NEO1: variants seen among roughly 807,000 people sequenced by gnomAD.
NEO1 encodes the protein neogenin.
A neutral mutation model predicts 159.7 loss-of-function variants in NEO1; 63 were observed. The ratio of observed to expected loss-of-function variants is 0.39; its 90% CI spans 0.32 to 0.49. The LOEUF is 0.49. NEO1 is among the 20% of genes least tolerant of loss of function. The probability of loss-of-function intolerance (pLI) is 0.85; values close to 1 mark genes in which losing one functional copy is unlikely to be tolerated. For synonymous variants in NEO1, 633 were observed against 662.0 expected (o/e 0.96, Z 0.67); for missense variants, 1,615 against 1,831.0 (o/e 0.88, Z 2.15).
intron 1 of NEO1, among the ~76,000 whole-genome samples, chr15:73,063,942 T>C (rs1476096575): frequency 6.6e-6 from 1 of 152,228 alleles, no homozygotes; most frequent in African/African-American, 2.4e-5. Flanking sequence ...TGTGGGCATC[T>C]TTTATGAATC....
chr15:73,259,370 A>ATTTTT lies in NEO1; in HGVS notation c.2203+505_2203+509dup, dbSNP rs10623352. 8.7e-3 allele frequency among the ~76,000 whole-genome samples: 1,173 copies of ATTTTT among 135,534 alleles called. 23 individuals carry two copies. Among genetic ancestry groups the ATTTTT allele is most frequent in the Middle Eastern group, 0.032 (8 of 250 alleles). The allele number at this position is 135,534 out of a possible 152,430, so 88.9% of individuals were successfully genotyped here. A position where few individuals can be genotyped will look rare whatever the true frequency, so the allele number is the denominator to read the frequency against. The stretch of plus-strand genomic sequence containing the variant: ...TCTTGTTCTGAGTCTCATTTTACTA[A>ATTTTT]TTTTTTTTTTTTTTTGAAAAGGGAT... On this transcript the variant is annotated intron_variant, in intron 14 of 28. Transcript: ENST00000261908.
chr15:73,106,864 A>G lies in NEO1; in HGVS notation c.131-9676A>G, dbSNP rs192795472. 3.9e-5 allele frequency among the ~76,000 whole-genome samples: 6 copies of G among 152,326 alleles called. No individual in the cohort carries two copies. The East Asian group carries it at 1.2e-3, about 29-fold the overall frequency. On this transcript the variant is annotated intron_variant, in intron 1 of 28. Transcript: ENST00000261908. Reference sequence around the variant, plus strand: ...TTAGTAAATGTTAACTCTTATCATTATGCCTTTAGACTTCGTCCAATAATT... The same window carrying G: ...TTAGTAAATGTTAACTCTTATCATTGTGCCTTTAGACTTCGTCCAATAATT...
intron 9 of NEO1, among the ~76,000 whole-genome samples, chr15:73,244,974 A>AC (rs2039698203): frequency 6.8e-6 from 1 of 147,826 alleles, no homozygotes; most frequent in South Asian, 2.2e-4. Context: ...AAAAAAAAAA[A>AC]AAAAAAAAAC....
chr15:73,055,063 G>A (rs956673170), intron 1 of NEO1, among the ~76,000 whole-genome samples: 1 of 152,150 alleles, frequency 6.6e-6, no homozygotes, highest in African/African-American at 2.4e-5. Flanking sequence ...TACGGAGGTG[G>A]AGGAAAAAGT....
At chr15:73,072,516 C>G (rs1216737891) in intron 1 of NEO1, among the ~76,000 whole-genome samples, 3 of 152,050 alleles carry the variant, frequency 2.0e-5, no homozygotes, top group African/African-American at 4.8e-5. Context: ...GTTGCATGCT[C>G]TATGTTGGGA....
intron 1 of NEO1, among the ~76,000 whole-genome samples, chr15:73,083,320 GA>G (rs1275074769): frequency 6.6e-6 from 1 of 152,130 alleles, no homozygotes; most frequent in Non-Finnish European, 1.5e-5. Flanking sequence ...ATTTGAGGTA[GA>G]ATAGACAAGA....
intron 7 of NEO1, among the ~76,000 whole-genome samples, chr15:73,184,951 A>C (rs991523601): frequency 1.3e-5 from 2 of 152,144 alleles, no homozygotes; most frequent in African/African-American, 4.8e-5. Flanking sequence ...AAAGAAAAGA[A>C]AAAGAAAAAA....
chr15:73,275,841 C>T (rs1279770365), intron 21 of NEO1, among the ~76,000 whole-genome samples: 1 of 152,026 alleles, frequency 6.6e-6, no homozygotes, highest in African/African-American at 2.4e-5. Flanking sequence ...AGTATGTTTT[C>T]CATACTGAGA....
At chr15:73,253,371 AAAT>A in intron 11 of NEO1, 26 bp from the exon 12 acceptor site, 3 of 1,433,054 alleles carry the variant, frequency 2.1e-6, no homozygotes, top group Non-Finnish European at 2.9e-6. Flanking sequence ...ATTAAAAAAA[AAAT>A]TTTTTTTTTT....
intron 5 of NEO1, among the ~76,000 whole-genome samples, chr15:73,142,704 C>T (rs929272108): frequency 1.3e-5 from 2 of 152,126 alleles, no homozygotes; most frequent in Non-Finnish European, 2.9e-5. Flanking sequence ...TTAATTTAAC[C>T]GAAGGACATC....
At chr15:73,080,093 C>T (rs536234880) in intron 1 of NEO1, among the ~76,000 whole-genome samples, 2 of 152,152 alleles carry the variant, frequency 1.3e-5, no homozygotes, top group Admixed American at 6.5e-5. Flanking sequence ...GGGAGACCTA[C>T]AAATAATTGA....
intron 16 of NEO1, among the ~76,000 whole-genome samples, chr15:73,266,988 G>A (rs914769942): frequency 2.0e-5 from 3 of 152,238 alleles, no homozygotes; most frequent in African/African-American, 2.4e-5. Context: ...GCCGGGTGCA[G>A]TGGTTCATGC....
chr15:73,237,164 T>G (rs2039225552), intron 8 of NEO1, among the ~76,000 whole-genome samples: 1 of 152,182 alleles, frequency 6.6e-6, no homozygotes, highest in Admixed American at 6.5e-5. Context: ...TGCCCCTTTC[T>G]CAGCTGAAGG....
chr15:73,122,469 A>G, intron 2 of NEO1, 56 bp from the exon 3 acceptor site: 1 of 1,532,668 alleles, frequency 6.5e-7, no homozygotes, highest in African/African-American at 1.4e-5. Context: ...TCCCAAGACA[A>G]AATTTTAAAG....
chr15:73,244,979 A>AAAAAAAAAAAAAAAAAAAC (rs2039703492), intron 9 of NEO1, among the ~76,000 whole-genome samples: 1 of 141,190 alleles, frequency 7.1e-6, no homozygotes, highest in East Asian at 2.3e-4. Flanking sequence ...AAAAAAAAAA[A>AAAAAAAAAAAAAAAAAAAC]AAAACAACAG....
chr15:73,160,589 TC>T (rs1258085172), intron 5 of NEO1, among the ~76,000 whole-genome samples: 2 of 152,106 alleles, frequency 1.3e-5, no homozygotes, highest in Non-Finnish European at 2.9e-5. Flanking sequence ...GTTCCCATGA[TC>T]CCCTTGTTGG....
chr15:73,249,017 A>C, intron 9 of NEO1, 43 bp from the exon 10 acceptor site: 2 of 1,606,508 alleles, frequency 1.2e-6, no homozygotes, highest in Non-Finnish European at 1.7e-6. Flanking sequence ...TGAGGAGTGT[A>C]GCATTTCATT....
chr15:73,233,723 C>T lies in NEO1; in HGVS notation c.1292-2624C>T, dbSNP rs570680419. Reference sequence around the variant, plus strand: ...TTCCCTATCTAAGTGATTCTGTTATCACTCATTACTCCCATCACCTCGTCC... The same window carrying T: ...TTCCCTATCTAAGTGATTCTGTTATTACTCATTACTCCCATCACCTCGTCC... On this transcript the variant is annotated intron_variant, in intron 7 of 28. Transcript: ENST00000261908. Among the ~76,000 whole-genome samples the T allele has an allele frequency of 1.3e-3, 203 of 152,076 alleles. 1 individual carries two copies. Among genetic ancestry groups the T allele is most frequent in the Non-Finnish European group, 2.4e-3 (161 of 68,014 alleles).
Position 73,178,325 on chromosome 15 carries a change from G to C in NEO1, c.1189G>C (p.Val397Leu), listed in dbSNP as rs768885251. Residue 397 changes from valine (V) to leucine (L), a missense_variant, in exon 7 of 29, where the codon GTT becomes CTT. By Grantham distance (32) the Val-to-Leu change is conservative. Coordinates refer to ENST00000261908, the MANE Select transcript of NEO1 (RefSeq NM_002499.4). ...TCTTCAGAAGGAACATAATCTTCAA[G>C]TTTTGGGTCTGGTGAAATCAGATGA... ...FKIVKEHNLQ[V>L]LGLVKSDEGF... 6.2e-7 allele frequency: 1 copy of C among 1,612,914 alleles called. No homozygotes were observed. Among genetic ancestry groups the C allele is most frequent in the Non-Finnish European group, 8.5e-7 (1 of 1,179,272 alleles).
Sources: allele counts gnomAD v4.1 joint callset (sites outside exome capture counted in the v4.1 genomes callset), GRCh38; gene constraint gnomAD v4.1.1; transcripts MANE v1.5; gene names NCBI Gene and HGNC (gene_info 2026-07-23, HGNC 2026-07-21).